CLN3: variants seen among roughly 807,000 people sequenced by gnomAD.
The protein encoded by CLN3 is CLN3 lysosomal/endosomal transmembrane protein, battenin.
CLN3 carries 49 observed loss-of-function variants against 60.7 expected under a neutral mutation model. The observed-to-expected ratio is 0.81, with a 90% confidence interval of 0.64 to 1.02. The LOEUF (loss-of-function observed/expected upper bound fraction) is 1.02, where lower values mean the gene tolerates loss of function less well. Among genes scored for constraint, CLN3 ranks in the 50% least tolerant of loss-of-function variants. CLN3 has a pLI of 0.00. For missense variants in CLN3, 516 were observed against 557.4 expected (o/e 0.93, Z 0.75); for synonymous variants, 256 against 245.8 (o/e 1.04, Z -0.39).
rs34835 is a variant in CLN3 at position 28,487,970 on chromosome 16, A to G, written c.295-229T>C. On this transcript the variant is annotated intron_variant, in intron 5 of 15. Transcript: ENST00000636147. ...ATCTGGAAAATGGGAATATCATAGC[A>G]CCTAGCTCACAGGACTGCTGTGTGG... The G allele has an allele frequency of 0.37, 202,845 of 543,180 alleles. 39,996 individuals carry two copies. Among genetic ancestry groups the G allele is most frequent in the Admixed American group, 0.45 (15,879 of 35,054 alleles). 33.6% of individuals were successfully genotyped at this position (543,180 alleles called of 1,614,324 possible).
At chr16:28,488,719 C>T in intron 4 of CLN3, 57 bp from the exon 5 acceptor site, 1 of 1,550,280 alleles carries the variant, frequency 6.5e-7, no homozygotes, top group Non-Finnish European at 8.9e-7. Context: ...ACACACAGAG[C>T]CTGGCTCCCG....
chr16:28,477,742 G>C lies in CLN3; in HGVS notation c.1192C>G (p.Leu398Val), dbSNP rs751114018. 2 of 1,614,186 alleles carry C rather than the reference G, an allele frequency of 1.2e-6. No individual in the cohort carries two copies. Among genetic ancestry groups the C allele is most frequent in the South Asian group, 2.2e-5 (2 of 91,088 alleles). The change falls in exon 15 of 16, where the codon CTG (leucine) becomes GTG (valine). Residue 398 changes from leucine to valine, a missense_variant. Physicochemically the swap from Leu to Val is conservative, Grantham distance 32 (BLOSUM62 1). Transcript: ENST00000636147. ...AYVNTFHNIA[L>V]ETSDEHREFA... ...CTTGCCCGGCCAATGCTGACCTCCA[G>C]GGCGATGTTGTGGAAGGTGTTCACG...
At chr16:28,473,567 C>CA (rs1425870573), downstream of CLN3, among the ~76,000 whole-genome samples, 8 of 152,176 alleles carry the variant, frequency 5.3e-5, no homozygotes, top group Admixed American at 1.3e-4. Flanking sequence ...AGCAACCAAA[C>CA]AAAAAATAGA....
intron 3 of CLN3, 121 bp downstream of exon 3, chr16:28,491,361 G>T: frequency 7.2e-7 from 1 of 1,383,188 alleles, no homozygotes; most frequent in Non-Finnish European, 1.0e-6. Flanking sequence ...CAAACCAGTG[G>T]ATTCAGTAAA....
intron 14 of CLN3, chr16:28,479,557 A>G (rs1441769700): frequency 6.4e-6 from 1 of 155,324 alleles, no homozygotes; most frequent in Admixed American, 6.5e-5. Flanking sequence ...ATTGTACTCT[A>G]GCCTGAGCTA....
Position 28,477,799 on chromosome 16 carries a change from G to A in CLN3, c.1135C>T (p.Leu379=), listed in dbSNP as rs890026046. 15 of 1,614,106 alleles carry A rather than the reference G, an allele frequency of 9.3e-6. No individual in the cohort carries two copies. The African/African-American group carries it at 1.1e-4, about 11-fold the overall frequency. Residue 379 remains leucine, a synonymous_variant, in exon 15 of 16, where the codon CTG becomes TTG. Transcript: ENST00000636147. The stretch of plus-strand genomic sequence containing the variant: ...GCGCCTCCCAGGAGCCCCTCATACA[G>A]AATGATCAGGAAGACGAGGTAGATG... ...PSIYLVFLII[L]YEGLLGGAAY...
At chr16:28,482,019 G>C (rs962260238) in intron 14 of CLN3, 86 bp downstream of exon 14, 6 of 943,124 alleles carry the variant, frequency 6.4e-6, no homozygotes, top group African/African-American at 1.6e-5. Context: ...ACTTCCCACT[G>C]ATAGTGGGAA....
chr16:28,481,953 C>T, intron 14 of CLN3, 152 bp downstream of exon 14: 1 of 613,460 alleles, frequency 1.6e-6, no homozygotes, highest in Non-Finnish European at 2.8e-6. Flanking sequence ...CGCTACTGCA[C>T]TCCAGCCTGG....
the CLN3 span, among the ~76,000 whole-genome samples, chr16:28,467,623 G>A: frequency 2.7e-5 from 4 of 147,104 alleles, no homozygotes; most frequent in Admixed American, 6.8e-5. Flanking sequence ...TGTCACCCAG[G>A]CTGGAGTGCA....
chr16:28,484,004 A>G lies in CLN3; in HGVS notation c.790+2T>C, dbSNP rs1397197980. ...ACCTCTCTGAGGGTCTGTGTCTCCT[A>G]CCTGGCTTCGACTCCGGGGCCTCGG... On this transcript the variant is annotated splice_donor_variant, in intron 10 of 15. Coordinates refer to ENST00000636147, the MANE Select transcript of CLN3 (RefSeq NM_001042432.2). LOFTEE classifies it high-confidence loss of function. The G allele has an allele frequency of 6.2e-7, 1 of 1,602,976 alleles. No homozygotes were observed. Among genetic ancestry groups the G allele is most frequent in the South Asian group, 1.1e-5 (1 of 89,098 alleles).
downstream of CLN3, among the ~76,000 whole-genome samples, chr16:28,474,668 A>G (rs2045977099): frequency 6.6e-6 from 1 of 152,208 alleles, no homozygotes; most frequent in South Asian, 2.1e-4. Context: ...CAACCCAGCA[A>G]TTCCACTCCT....
At chr16:28,484,326 A>G (rs1362914525) in intron 9 of CLN3, 3 of 584,194 alleles carry the variant, frequency 5.1e-6, no homozygotes, top group Non-Finnish European at 6.1e-6. Flanking sequence ...TTATCTCCTT[A>G]TTCCTATTCA....
chr16:28,469,729 C>G, downstream of CLN3: 2 of 400,384 alleles, frequency 5.0e-6, no homozygotes, highest in Non-Finnish European at 9.6e-6. Flanking sequence ...TGGCTCACGC[C>G]TGTAATCCCG....
chr16:28,484,016 C>A lies in CLN3; in HGVS notation c.780G>T (p.Glu260Asp). The change falls in exon 10 of 16, where the codon GAG becomes GAT. Residue 260 changes from glutamate to aspartate, a missense_variant. Glu to Asp is a conservative substitution (Grantham distance 45, BLOSUM62 2). Coordinates refer to ENST00000636147, the MANE Select transcript of CLN3 (RefSeq NM_001042432.2). The stretch of plus-strand genomic sequence containing the variant: ...GTCTGTGTCTCCTACCTGGCTTCGA[C>A]TCCGGGGCCTCGGTTCTTATGAGGG... ...RQPLIRTEAP[E>D]SKPGSSSSLS... 6.2e-7 allele frequency: 1 copy of A among 1,608,880 alleles called. No homozygotes were observed.
At chr16:28,481,223 A>G (rs2046085070) in intron 14 of CLN3, among the ~76,000 whole-genome samples, 1 of 151,828 alleles carries the variant, frequency 6.6e-6, no homozygotes, top group Non-Finnish European at 1.5e-5. Context: ...TGATCCTCCC[A>G]CCTCAGCTTC....
intron 14 of CLN3, among the ~76,000 whole-genome samples, chr16:28,478,944 G>A (rs1197219010): frequency 1.3e-5 from 2 of 152,222 alleles, no homozygotes; most frequent in Admixed American, 1.3e-4. Context: ...CTATTCAGCT[G>A]GGCTCGAACT....
At chr16:28,471,919 A>G (rs1012927829), downstream of CLN3, among the ~76,000 whole-genome samples, 1 of 152,260 alleles carries the variant, frequency 6.6e-6, no homozygotes, top group African/African-American at 2.4e-5. Context: ...AGTCCCAGAT[A>G]CTTGGTAGGC....
At chr16:28,488,439 T>G in intron 5 of CLN3, 152 bp downstream of exon 5, 2 of 653,288 alleles carry the variant, frequency 3.1e-6, no homozygotes, top group Non-Finnish European at 5.3e-6. Context: ...TCTCCCAAAG[T>G]GCTGGGATTA....
rs772260404 is a variant in CLN3, at chr16:28,490,759, CAAAAAAA to C, written c.125+716_125+722del. On this transcript the variant is annotated intron_variant, in intron 3 of 15. Coordinates refer to ENST00000636147, the MANE Select transcript of CLN3 (RefSeq NM_001042432.2). ...TGGAGGACAGAGAGAGACTCCGTCT[CAAAAAAA>C]AAAAAAAAAAAAAAGGTTCAGGCCC... Among the ~76,000 whole-genome samples the C allele has an allele frequency of 7.3e-5, 4 of 55,108 alleles. No homozygotes were observed. The East Asian group carries it at 1.9e-3, about 26-fold the overall frequency. The allele number at this position is 55,108 out of a possible 152,430, so 36.2% of individuals were successfully genotyped here.
Sources: gnomAD v4.1 joint callset for allele counts (sites outside exome capture counted in the v4.1 genomes callset) on GRCh38, gnomAD v4.1.1 for gene constraint, MANE v1.5 for transcripts, NCBI Gene and HGNC (gene_info 2026-07-23, HGNC 2026-07-21) for gene names.